The following DOCK3 variants were observed in gnomAD, a reference collection of about 807,000 sequenced individuals.
The protein encoded by DOCK3 is dedicator of cytokinesis 3, also known as dedicator of cytokinesis protein 3.
Under a neutral mutation model 265.6 loss-of-function variants are expected in DOCK3, and 60 were observed. That is an observed-to-expected ratio of 0.23 (90% CI 0.18 to 0.28). The LOEUF (loss-of-function observed/expected upper bound fraction) is 0.28. Among genes scored for constraint, DOCK3 ranks in the 10% least tolerant of loss-of-function variants. The probability of loss-of-function intolerance (pLI) is 1.00; values close to 1 mark genes in which losing one functional copy is unlikely to be tolerated. For synonymous variants in DOCK3, 881 were observed against 938.0 expected, an observed-to-expected ratio of 0.94 and a Z score of 1.11; for missense variants, 1,981 against 2,594.3, an observed-to-expected ratio of 0.76 and a Z score of 5.14.
chr3:51,197,165 C>G (rs147781651), intron 12 of DOCK3, among the ~76,000 whole-genome samples: 1 of 152,120 alleles, frequency 6.6e-6, no homozygotes, highest in Non-Finnish European at 1.5e-5. Flanking sequence ...GGATAGGTTA[C>G]GGTACAGTTG....
At chr3:51,321,541 G>A (rs1319457352) in intron 32 of DOCK3, among the ~76,000 whole-genome samples, 1 of 152,124 alleles carries the variant, frequency 6.6e-6, no homozygotes, top group Non-Finnish European at 1.5e-5. Context: ...CAAGCTAAAG[G>A]AGCATGTTCT....
intron 9 of DOCK3, among the ~76,000 whole-genome samples, chr3:51,117,299 C>T (rs1018905865): frequency 3.9e-5 from 6 of 152,124 alleles, no homozygotes; most frequent in Non-Finnish European, 7.4e-5. Context: ...AGCCTTGCCT[C>T]CCAGGGGTGA....
At chr3:51,026,127 C>T (rs1425845374) in intron 5 of DOCK3, among the ~76,000 whole-genome samples, 2 of 151,898 alleles carry the variant, frequency 1.3e-5, no homozygotes, top group Admixed American at 1.3e-4. Context: ...CTAACACTGC[C>T]TCCAATCTGC....
rs2088813928 is a variant in DOCK3 at position 51,383,782 on chromosome 3, A to G, written c.*2223A>G. On this transcript the variant is annotated 3_prime_UTR_variant, in exon 53 of 53. Transcript: ENST00000266037. ...TAAAATACTGATTTTCATTCTTTCAAGCTTATTTGTAAATACCTATTTGAA... is the reference window on the plus strand; with the variant it reads ...TAAAATACTGATTTTCATTCTTTCAGGCTTATTTGTAAATACCTATTTGAA... 1 of 152,674 alleles carries G rather than the reference A, an allele frequency of 6.5e-6. No individual in the cohort carries two copies. Among genetic ancestry groups the G allele is most frequent in the African/African-American group, 2.4e-5 (1 of 41,470 alleles). The allele number at this position is 152,674 out of a possible 1,614,324, so 9.5% of individuals were successfully genotyped here.
intron 3 of DOCK3, among the ~76,000 whole-genome samples, chr3:50,880,342 G>T (rs1050374254): frequency 6.6e-6 from 1 of 152,166 alleles, no homozygotes; most frequent in African/African-American, 2.4e-5. Flanking sequence ...CCAGGAGCTG[G>T]TTTTTTGAAA....
rs573232791 is a variant in DOCK3, at chr3:51,361,721, G to A, written c.5007-138G>A. The A allele has an allele frequency of 4.2e-4, 499 of 1,177,762 alleles. No homozygotes were observed. The African/African-American group carries it at 7.3e-3, about 17-fold the overall frequency. The allele number at this position is 1,177,762 out of a possible 1,614,324, so 73.0% of individuals were successfully genotyped here. A position where few individuals can be genotyped will look rare whatever the true frequency, so the allele number is the denominator to read the frequency against. On this transcript the variant is annotated intron_variant, in intron 47 of 52. Transcript: ENST00000266037. This position sits in a 1 kb window ranked among gnomAD's most constrained non-coding sequence, Gnocchi z 4.2. Reference sequence around the variant, plus strand: ...CAGGACTGCTCCAGGCCTCAGATGGGTATGAGCATTGACTATGGAACCCTC... The same window carrying A: ...CAGGACTGCTCCAGGCCTCAGATGGATATGAGCATTGACTATGGAACCCTC...
intron 35 of DOCK3, chr3:51,336,824 G>T (rs2084907702): frequency 2.2e-6 from 1 of 455,014 alleles, no homozygotes; most frequent in East Asian, 6.9e-5. Flanking sequence ...CCAAATAGAA[G>T]TTAATCCGTG....
chr3:51,014,126 G>A (rs2079059275), intron 5 of DOCK3, among the ~76,000 whole-genome samples: 2 of 152,142 alleles, frequency 1.3e-5, no homozygotes, highest in Non-Finnish European at 2.9e-5. Flanking sequence ...CTTCCTGGGT[G>A]GGGCAGTGCC....
chr3:50,859,405 A>G (rs2046792493), intron 3 of DOCK3, among the ~76,000 whole-genome samples: 1 of 151,300 alleles, frequency 6.6e-6, no homozygotes, highest in Non-Finnish European at 1.5e-5. Flanking sequence ...TTTAGTAGAG[A>G]CTGGGTTTCA....
At chr3:51,124,702 A>G (rs2106810107) in intron 9 of DOCK3, among the ~76,000 whole-genome samples, 1 of 152,278 alleles carries the variant, frequency 6.6e-6, no homozygotes, top group East Asian at 1.9e-4. Context: ...TCAATATTAA[A>G]TCTTATTTTC....
intron 19 of DOCK3, 68 bp from the exon 20 acceptor site, chr3:51,236,277 T>C (rs773407993): frequency 2.6e-6 from 3 of 1,154,114 alleles, no homozygotes; most frequent in Non-Finnish European, 3.9e-6. Context: ...GTTAAATTCA[T>C]TGATTTATGG....
intron 1 of DOCK3, among the ~76,000 whole-genome samples, chr3:50,711,095 A>G (rs924616273): frequency 2.4e-4 from 36 of 152,158 alleles, no homozygotes; most frequent in Non-Finnish European, 7.3e-5. Flanking sequence ...TGTTTCCCAA[A>G]AACTATTGAA....
At chr3:50,784,745 C>T (rs926168927) in intron 2 of DOCK3, among the ~76,000 whole-genome samples, 2 of 152,250 alleles carry the variant, frequency 1.3e-5, no homozygotes, top group South Asian at 2.1e-4. Flanking sequence ...TAGGTATATT[C>T]GTAAGTATTT....
chr3:51,058,474 GTGTT>G (rs1228535898), intron 5 of DOCK3, among the ~76,000 whole-genome samples: 1 of 152,174 alleles, frequency 6.6e-6, no homozygotes, highest in East Asian at 1.9e-4. Context: ...TAGATAGTGT[GTGTT>G]TGTGCGTGTG....
intron 4 of DOCK3, among the ~76,000 whole-genome samples, chr3:50,908,138 T>C (rs1175659173): frequency 6.6e-6 from 1 of 151,872 alleles, no homozygotes; most frequent in Non-Finnish European, 1.5e-5. Context: ...CGGTCTATTT[T>C]ATTAATTTTT....
intron 12 of DOCK3, among the ~76,000 whole-genome samples, chr3:51,164,825 T>C (rs192862774): frequency 2.6e-5 from 4 of 152,238 alleles, no homozygotes; most frequent in Admixed American, 2.0e-4. Context: ...CTGCTCCTCA[T>C]ATTTGGGATA....
At chr3:51,105,004 G>C (rs936961282) in intron 9 of DOCK3, among the ~76,000 whole-genome samples, 11 of 152,136 alleles carry the variant, frequency 7.2e-5, no homozygotes, top group Non-Finnish European at 1.5e-4. Context: ...TTCTGGAAGA[G>C]ATAATGGGAA....
chr3:50,714,624 AT>A (rs1245876940), intron 1 of DOCK3, among the ~76,000 whole-genome samples: 1 of 151,976 alleles, frequency 6.6e-6, no homozygotes, highest in African/African-American at 2.4e-5. Context: ...TAATTTTTAA[AT>A]TTTTTTGTAG....
At chr3:50,799,811 A>G (rs1438126666) in intron 2 of DOCK3, among the ~76,000 whole-genome samples, 2 of 152,122 alleles carry the variant, frequency 1.3e-5, no homozygotes, top group South Asian at 2.1e-4. Flanking sequence ...TTTTTTCCCC[A>G]TTCCAGAAGA....
Sources: allele counts gnomAD v4.1 joint callset (sites outside exome capture counted in the v4.1 genomes callset), GRCh38; gene constraint gnomAD v4.1.1; non-coding constraint Gnocchi (gnomAD v3.1); transcripts MANE v1.5; gene names NCBI Gene and HGNC (gene_info 2026-07-23, HGNC 2026-07-21).